DHX32: variants seen among roughly 807,000 people sequenced by gnomAD.
DHX32 encodes the protein putative pre-mRNA-splicing factor ATP-dependent RNA helicase DHX32.
A neutral mutation model predicts 70.0 loss-of-function variants in DHX32; 51 were observed. The ratio of observed to expected loss-of-function variants is 0.73; its 90% CI spans 0.58 to 0.92. The LOEUF (loss-of-function observed/expected upper bound fraction) is 0.92. Among genes scored for constraint, DHX32 ranks in the 40% least tolerant of loss-of-function variants. DHX32 has a pLI of 0.00. For missense variants in DHX32, 762 were observed against 891.8 expected, an observed-to-expected ratio of 0.85 and a Z score of 1.85; for synonymous variants, 310 against 315.3, an observed-to-expected ratio of 0.98 and a Z score of 0.18.
chr10:125,888,631 T>G (rs1453178216), intron 1 of DHX32, among the ~76,000 whole-genome samples: 26 of 149,690 alleles, frequency 1.7e-4, no homozygotes, highest in Non-Finnish European at 2.5e-4. Context: ...ATTTATAATT[T>G]TGTTATTATA....
intron 6 of DHX32, among the ~76,000 whole-genome samples, chr10:125,850,421 A>G (rs1944075923): frequency 7.0e-6 from 1 of 142,414 alleles, no homozygotes; most frequent in African/African-American, 2.7e-5. Flanking sequence ...GCAATGGCGC[A>G]ATCTTGGTTC....
chr10:125,856,179 G>A (rs1048740904), intron 3 of DHX32, among the ~76,000 whole-genome samples: 16 of 152,172 alleles, frequency 1.1e-4, no homozygotes, highest in Admixed American at 5.9e-4. Flanking sequence ...ATTTACATAC[G>A]CATAACTTTC....
At chr10:125,887,159 C>T (rs1359122579) in intron 1 of DHX32, among the ~76,000 whole-genome samples, 2 of 152,186 alleles carry the variant, frequency 1.3e-5, no homozygotes, top group African/African-American at 4.8e-5. Flanking sequence ...AATAGGTCTT[C>T]TGTGTCTTCA....
chr10:125,868,282 G>A (rs1944235350), intron 1 of DHX32, among the ~76,000 whole-genome samples: 2 of 152,152 alleles, frequency 1.3e-5, no homozygotes, highest in African/African-American at 4.8e-5. Context: ...TTAAGGCATT[G>A]TCAGTAAATT....
intron 1 of DHX32, among the ~76,000 whole-genome samples, chr10:125,891,469 G>A (rs1361124805): frequency 4.6e-5 from 7 of 152,292 alleles, no homozygotes; most frequent in African/African-American, 1.7e-4. Flanking sequence ...CACAGGCACA[G>A]TGGCTCATGC....
chr10:125,887,866 G>C (rs1944348559), intron 1 of DHX32, among the ~76,000 whole-genome samples: 1 of 152,056 alleles, frequency 6.6e-6, no homozygotes, highest in South Asian at 2.1e-4. Flanking sequence ...TATGGCAAAA[G>C]GCACAACAAA....
intron 1 of DHX32, among the ~76,000 whole-genome samples, chr10:125,880,325 C>T (rs887585314): frequency 6.6e-6 from 1 of 152,070 alleles, no homozygotes; most frequent in Non-Finnish European, 1.5e-5. Flanking sequence ...TTCAGTGGTA[C>T]CCTAAACACA....
In DHX32 at chr10:125,848,269, G is replaced by C. The variant is rs141825439; in HGVS notation, c.1351+4024C>G. On this transcript the variant is annotated intron_variant, in intron 6 of 10. Transcript: ENST00000284690. ...GCTCTGAAGAGGACAGGGAGGAAAG[G>C]CTTCTGCTTCACTTAATTTCACAGG... Among the ~76,000 whole-genome samples the C allele has an allele frequency of 3.3e-4, 50 of 152,240 alleles. No individual in the cohort carries two copies. In the East Asian group the frequency reaches 4.6e-3, roughly 14 times the overall value.
At chr10:125,840,810 G>T (rs769230404) in intron 8 of DHX32, 37 bp downstream of exon 8, 2 of 1,534,482 alleles carry the variant, frequency 1.3e-6, no homozygotes, top group South Asian at 2.5e-5. Context: ...GGGAAAGGAA[G>T]GTGGAATTAA....
intron 4 of DHX32, chr10:125,852,977 C>T (rs376019566): frequency 3.1e-6 from 2 of 648,516 alleles, no homozygotes; most frequent in Non-Finnish European, 5.4e-6. Context: ...AGAAAGGGTT[C>T]TCACCTGATA....
chr10:125,843,515 G>A (rs1461682310), intron 6 of DHX32, among the ~76,000 whole-genome samples: 1 of 152,100 alleles, frequency 6.6e-6, no homozygotes, highest in Non-Finnish European at 1.5e-5. Context: ...GGGAGGTTGA[G>A]GCAGGAGAAT....
At chr10:125,879,672 A>C (rs1463722827) in intron 1 of DHX32, among the ~76,000 whole-genome samples, 1 of 152,006 alleles carries the variant, frequency 6.6e-6, no homozygotes, top group African/African-American at 2.4e-5. Flanking sequence ...TTTCTGAGAC[A>C]AGGTCTCTCA....
chr10:125,859,710 G>A lies in DHX32; in HGVS notation c.742C>T (p.Leu248Phe), dbSNP rs760214823. ...KNKHPVEVVY[L>F]SEAQKDSFES... The stretch of plus-strand genomic sequence containing the variant: ...AAAGAATCCTTTTGAGCCTCACTAA[G>A]GTACACAACCTCCACAGGGTGTTTA... The change falls in exon 3 of 11, where the codon CTT becomes TTT. Residue 248 changes from leucine to phenylalanine, a missense_variant. Around this residue, in one of 3 missense-constraint regions of DHX32, gnomAD observed 394 missense variants for 473.1 expected, o/e 0.83. Transcript: ENST00000284690. 6 of 1,613,912 alleles carry A rather than the reference G, an allele frequency of 3.7e-6. No individual in the cohort carries two copies. The highest frequency in any genetic ancestry group is 8.5e-7 in the Non-Finnish European group (1 of 1,180,018).
chr10:125,880,601 A>G lies in DHX32; in HGVS notation c.224T>C (p.Leu75Pro). 6.2e-7 allele frequency: 1 copy of G among 1,613,550 alleles called. No homozygotes were observed. The highest frequency in any genetic ancestry group is 1.1e-5 in the South Asian group (1 of 90,998). Residue 75 changes from leucine to proline, a missense_variant, in exon 1 of 11, where the codon CTG becomes CCG. This residue lies in a region of DHX32 where 394 missense variants were observed against 473.1 expected (regional missense o/e 0.83). Transcript: ENST00000284690. ...WKEKYSFMEN[L>P]LQNQIVIVSG... Reference sequence around the variant, plus strand: ...AACAATCACGATTTGATTTTGAAGCAGGTTCTCCATAAAGGAGTATTTTTC... The same window carrying G: ...AACAATCACGATTTGATTTTGAAGCGGGTTCTCCATAAAGGAGTATTTTTC...
At chr10:125,846,745 A>G (rs967654680) in intron 6 of DHX32, among the ~76,000 whole-genome samples, 1 of 152,202 alleles carries the variant, frequency 6.6e-6, no homozygotes, top group Non-Finnish European at 1.5e-5. Flanking sequence ...TACTAACCCC[A>G]GTCACAGGGG....
rs1854695577 is a variant in DHX32 at position 125,836,675 on chromosome 10, T to A, written c.*12A>T. 6.2e-7 allele frequency: 1 copy of A among 1,612,456 alleles called. No homozygotes were observed. Among genetic ancestry groups the A allele is most frequent in the African/African-American group, 1.3e-5 (1 of 74,916 alleles). ...CTTTGGGACCCTGCTGCACCTTGTG[T>A]TTGCTGGGGAGTCACTGGAGAGTGC... On this transcript the variant is annotated 3_prime_UTR_variant, in exon 11 of 11. Transcript: ENST00000284690.
At chr10:125,892,860 A>G (rs78585332) in intron 1 of DHX32, among the ~76,000 whole-genome samples, 1 of 152,294 alleles carries the variant, frequency 6.6e-6, no homozygotes, top group Admixed American at 6.5e-5. Context: ...TATCAATGAC[A>G]AAATAATAGC....
chr10:125,838,068 TTAG>T (rs1854753288), intron 10 of DHX32, 135 bp downstream of exon 10: 3 of 748,666 alleles, frequency 4.0e-6, no homozygotes, highest in African/African-American at 1.8e-5. Context: ...AGGCCTGCCC[TTAG>T]TAGGTACTGT....
At position 125,841,452 on chromosome 10, in the gene DHX32, T is replaced by C; in HGVS notation, c.1543+291A>G. 2 of 1,541,846 alleles carry C rather than the reference T, an allele frequency of 1.3e-6. 1 individual carries two copies. The highest frequency in any genetic ancestry group is 2.5e-5 in the South Asian group (2 of 81,284). ...GGGGAAAAACACCTCTAGTGACACA[T>C]TTTCTTCATCTGCACTGATTATTTC... is the stretch of plus-strand genomic sequence containing the variant. On this transcript the variant is annotated intron_variant, in intron 7 of 10. Transcript: ENST00000284690.
Sources: allele counts gnomAD v4.1 joint callset (sites outside exome capture counted in the v4.1 genomes callset), GRCh38; gene constraint gnomAD v4.1.1; regional missense constraint gnomAD v4.1.1; transcripts MANE v1.5; gene names NCBI Gene and HGNC (gene_info 2026-07-23, HGNC 2026-07-21).